Variants in FDPS observed in about 807,000 individuals in gnomAD.
The protein encoded by FDPS is farnesyl diphosphate synthase, also known as farnesyl pyrophosphate synthase.
FDPS carries 29 observed loss-of-function variants against 49.5 expected under a neutral mutation model. The ratio of observed to expected loss-of-function variants is 0.59; its 90% confidence interval spans 0.44 to 0.80. The LOEUF (loss-of-function observed/expected upper bound fraction) is 0.80, where lower values mean the gene tolerates loss of function less well. Ranked by LOEUF, FDPS falls within the 30% of genes least tolerant of loss-of-function variation. The pLI is 0.00. For synonymous variants in FDPS, 172 were observed against 206.4 expected, an observed-to-expected ratio of 0.83 and a Z score of 1.43; for missense variants, 414 against 525.6, an observed-to-expected ratio of 0.79 and a Z score of 2.08.
chr1:155,309,610 A>AT, intron 1 of FDPS, 179 bp from the exon 2 acceptor site: 3 of 532,348 alleles, frequency 5.6e-6, no homozygotes, highest in South Asian at 3.6e-5. Flanking sequence ...ACCCAGCCAT[A>AT]CTTTTTTGTT....
At chr1:155,309,592 TCTCA>T in intron 1 of FDPS, 193 bp from the exon 2 acceptor site, 1 of 510,200 alleles carries the variant, frequency 2.0e-6, no homozygotes, top group Non-Finnish European at 3.5e-6. Flanking sequence ...ATTAGTTGGG[TCTCA>T]GTCACCCAGC....
intron 8 of FDPS, 108 bp from the exon 9 acceptor site, chr1:155,319,503 G>T: frequency 8.9e-7 from 1 of 1,119,162 alleles, no homozygotes; most frequent in East Asian, 2.5e-5. Flanking sequence ...TGTCTGAAGA[G>T]AGAGGAAAGA....
Position 155,320,511 on chromosome 1 carries a change from T to C in FDPS, c.1162T>C (p.Tyr388His). The C allele has an allele frequency of 6.2e-7, 1 of 1,614,096 alleles. No individual in the cohort carries two copies. The highest frequency in any genetic ancestry group is 2.2e-5 in the East Asian group (1 of 44,876). Residue 388 changes from tyrosine (Y) to histidine (H), a missense_variant, in exon 11 of 11, where the codon TAC becomes CAC. Physicochemically the swap from Tyr to His is moderately conservative, Grantham distance 83. Coordinates refer to ENST00000368356, the MANE Select transcript of FDPS (RefSeq NM_002004.4). ...AVFLQYEEDSYSHIMALIEQY... is the reference protein window; with the variant it reads ...AVFLQYEEDSHSHIMALIEQY... ...GTTCTTGCAATATGAGGAAGACAGT[T>C]ACAGCCACATTATGGCTCTCATTGA... is the stretch of plus-strand genomic sequence containing the variant.
chr1:155,309,832 CT>C lies in FDPS; in HGVS notation c.44del (p.Leu15ArgfsTer53). The stretch of plus-strand genomic sequence containing the variant: ...GTTGAGATCTGTGGGGGTCTTCCTG[CT>C]GCCAGCCCCCTACTGGGCACCCCGG... ...RWLRSVGVFL[L>X]PAPYWAPRER... On this transcript the variant is annotated frameshift_variant, in exon 2 of 11. Transcript: ENST00000368356. LOFTEE classifies it high-confidence loss of function. 6.3e-7 allele frequency: 1 copy of C among 1,576,110 alleles called. No homozygotes were observed. Among genetic ancestry groups the C allele is most frequent in the Non-Finnish European group, 8.6e-7 (1 of 1,157,278 alleles).
intron 3 of FDPS, 163 bp downstream of exon 3, chr1:155,310,368 T>C: frequency 3.2e-6 from 2 of 627,318 alleles, no homozygotes; most frequent in African/African-American, 1.9e-5. Flanking sequence ...TGGAGTGCGA[T>C]GGTGTGATCT....
chr1:155,313,102 T>C (rs752655125), intron 4 of FDPS: 3 of 152,320 alleles, frequency 2.0e-5, no homozygotes, highest in Admixed American at 6.5e-5. Context: ...CTCCTAAATT[T>C]AACAAAGAGA....
At chr1:155,314,266 A>G (rs1649090720) in intron 4 of FDPS, among the ~76,000 whole-genome samples, 1 of 151,198 alleles carries the variant, frequency 6.6e-6, no homozygotes, top group Admixed American at 6.6e-5. Context: ...GCTCACTGCA[A>G]TCTCTGCCTC....
In FDPS at chr1:155,318,170, C is replaced by T. The variant is rs1183957237; in HGVS notation, c.563C>T (p.Pro188Leu). The change falls in exon 6 of 11, where the codon CCG becomes CTG. Residue 188 changes from proline to leucine, a missense_variant and splice_region_variant. Coordinates refer to ENST00000368356, the MANE Select transcript of FDPS (RefSeq NM_002004.4). This position sits in a 1 kb window ranked among gnomAD's most constrained non-coding sequence, Gnocchi z 4.2. ...RRGQICWYQKPGVGLDAINDA... is the reference protein window; with the variant it reads ...RRGQICWYQKLGVGLDAINDA... The stretch of plus-strand genomic sequence containing the variant: ...TTGTTTTTCTGTCTGTCATGACAGC[C>T]GGGCGTGGGTTTGGATGCCATCAAT... 6 of 1,613,954 alleles carry T rather than the reference C, an allele frequency of 3.7e-6. No individual in the cohort carries two copies. Among genetic ancestry groups the T allele is most frequent in the East Asian group, 2.2e-5 (1 of 44,896 alleles).
Position 155,318,160 on chromosome 1 carries a change from T to C in FDPS, c.562-9T>C, listed in dbSNP as rs1430863683. 3 of 1,614,022 alleles carry C rather than the reference T, an allele frequency of 1.9e-6. No individual in the cohort carries two copies. On this transcript the variant is annotated splice_polypyrimidine_tract_variant and intron_variant, in intron 5 of 10. Transcript: ENST00000368356. This position sits in a 1 kb window ranked among gnomAD's most constrained non-coding sequence, Gnocchi z 4.2. ...GATTGATTGCTTGTTTTTCTGTCTGTCATGACAGCCGGGCGTGGGTTTGGA... is the reference window on the plus strand; with the variant it reads ...GATTGATTGCTTGTTTTTCTGTCTGCCATGACAGCCGGGCGTGGGTTTGGA...
rs1351636906 is a variant in FDPS, at chr1:155,320,441, G to A, written c.1092G>A (p.Val364=). The A allele has an allele frequency of 7.4e-6, 12 of 1,613,572 alleles. 1 individual carries two copies. Among genetic ancestry groups the A allele is most frequent in the Middle Eastern group, 1.7e-4 (1 of 5,762 alleles). ...ENYGQKEAEK[V]ARVKALYEEL... The stretch of plus-strand genomic sequence containing the variant: ...ACGGGCAGAAGGAGGCTGAGAAAGT[G>A]GCCCGGGTGAAGGCGCTATATGAGG... The change falls in exon 11 of 11, where the codon GTG becomes GTA. Residue 364 remains valine, a synonymous_variant. Coordinates refer to ENST00000368356, the MANE Select transcript of FDPS (RefSeq NM_002004.4).
intron 4 of FDPS, among the ~76,000 whole-genome samples, chr1:155,314,436 C>T (rs769625701): frequency 6.6e-6 from 1 of 151,860 alleles, no homozygotes; most frequent in Admixed American, 6.6e-5. Flanking sequence ...ATCTCGGCCT[C>T]CTAAAGTGTT....
chr1:155,320,555 G>T lies in FDPS; in HGVS notation c.1206G>T (p.Leu402=). ...TCATTGAACAGTACGCAGCACCCCTGCCCCCAGCCGTCTTTCTGGGGCTTG... is the reference window on the plus strand; with the variant it reads ...TCATTGAACAGTACGCAGCACCCCTTCCCCCAGCCGTCTTTCTGGGGCTTG... ...MALIEQYAAP[L]PPAVFLGLAR... The change falls in exon 11 of 11, where the codon CTG becomes CTT. Residue 402 remains leucine, a synonymous_variant. Transcript: ENST00000368356. 4 of 1,614,176 alleles carry T rather than the reference G, an allele frequency of 2.5e-6. No individual in the cohort carries two copies. Among genetic ancestry groups the T allele is most frequent in the South Asian group, 1.1e-5 (1 of 91,090 alleles).
intron 3 of FDPS, among the ~76,000 whole-genome samples, chr1:155,311,312 C>G (rs1287620299): frequency 1.3e-5 from 2 of 152,180 alleles, no homozygotes; most frequent in Non-Finnish European, 2.9e-5. Flanking sequence ...GCACTCCAGC[C>G]TGAGTGACAT....
At position 155,312,318 on chromosome 1, in the gene FDPS, C is replaced by T. The variant is rs753523692; in HGVS notation, c.403C>T (p.Arg135Trp). The change falls in exon 4 of 11, where the codon CGG (arginine) becomes TGG (tryptophan). Residue 135 changes from arginine to tryptophan, a missense_variant. Coordinates refer to ENST00000368356, the MANE Select transcript of FDPS (RefSeq NM_002004.4). Reference protein sequence around the residue: ...NRGLTVVVAFRELVEPRKQDA... With the variant: ...NRGLTVVVAFWELVEPRKQDA... ...GGGTTTGACGGTGGTAGTAGCATTC[C>T]GGGAGCTGGTGGAGCCAAGGAAACA... 21 of 1,614,054 alleles carry T rather than the reference C, an allele frequency of 1.3e-5. No individual in the cohort carries two copies. The highest frequency in any genetic ancestry group is 8.9e-5 in the East Asian group (4 of 44,880).
Position 155,318,619 on chromosome 1 carries a change from A to C in FDPS, c.685-46A>C, listed in dbSNP as rs1649784804. 3.5e-6 allele frequency: 5 copies of C among 1,427,952 alleles called. No individual in the cohort carries two copies. The highest frequency in any genetic ancestry group is 4.0e-6 in the Non-Finnish European group (4 of 1,011,022). 88.5% of individuals were successfully genotyped at this position (1,427,952 alleles called of 1,614,324 possible). A position where few individuals can be genotyped will look rare whatever the true frequency, so the allele number is the denominator to read the frequency against. On this transcript the variant is annotated intron_variant, in intron 6 of 10. Coordinates refer to ENST00000368356, the MANE Select transcript of FDPS (RefSeq NM_002004.4). This position sits in a 1 kb window ranked among gnomAD's most constrained non-coding sequence, Gnocchi z 4.2. Reference sequence around the variant, plus strand: ...TGGGCTTGGGATACCAGGGTTTCGCATATCTGGAGAAAGCCTGGCTCATGG... The same window carrying C: ...TGGGCTTGGGATACCAGGGTTTCGCCTATCTGGAGAAAGCCTGGCTCATGG...
chr1:155,313,040 T>C (rs1176176985), intron 4 of FDPS: 1 of 149,550 alleles, frequency 6.7e-6, no homozygotes, highest in East Asian at 1.9e-4. Context: ...GAAGCAGAAA[T>C]TGAAAACTGG....
At position 155,310,219 on chromosome 1, in the gene FDPS, G is replaced by A. The variant is rs1648650405; in HGVS notation, c.339+14G>A. The A allele has an allele frequency of 8.1e-6, 13 of 1,613,450 alleles. No homozygotes were observed. Among genetic ancestry groups the A allele is most frequent in the Non-Finnish European group, 1.1e-5 (13 of 1,179,576 alleles). On this transcript the variant is annotated intron_variant, in intron 3 of 10. Coordinates refer to ENST00000368356, the MANE Select transcript of FDPS (RefSeq NM_002004.4). Reference sequence around the variant, plus strand: ...CGGCTCAAGGAGGTGAGGGATTCATGACTTGGGGGAGTAAGGCTTTGGTTC... The same window carrying A: ...CGGCTCAAGGAGGTGAGGGATTCATAACTTGGGGGAGTAAGGCTTTGGTTC...
rs375219975 is a variant in FDPS at position 155,320,529 on chromosome 1, C to T, written c.1180C>T (p.Leu394Phe). The T allele has an allele frequency of 6.2e-7, 1 of 1,614,056 alleles. No individual in the cohort carries two copies. The highest frequency in any genetic ancestry group is 1.3e-5 in the African/African-American group (1 of 74,920). ...AGACAGTTACAGCCACATTATGGCT[C>T]TCATTGAACAGTACGCAGCACCCCT... ...EEDSYSHIMA[L>F]IEQYAAPLPP... Residue 394 changes from leucine to phenylalanine, a missense_variant, in exon 11 of 11, where the codon CTC becomes TTC. Physicochemically the swap from Leu to Phe is conservative, Grantham distance 22. Transcript: ENST00000368356.
intron 8 of FDPS, 101 bp from the exon 9 acceptor site, chr1:155,319,510 A>C: frequency 8.4e-7 from 1 of 1,193,212 alleles, no homozygotes; most frequent in East Asian, 2.4e-5. Flanking sequence ...AGAGAGAGGA[A>C]AGATTTGGGG....
Sources: gnomAD v4.1 joint callset for allele counts (sites outside exome capture counted in the v4.1 genomes callset) on GRCh38, gnomAD v4.1.1 for gene constraint, Gnocchi (gnomAD v3.1) non-coding constraint, MANE v1.5 for transcripts, NCBI Gene and HGNC (gene_info 2026-07-23, HGNC 2026-07-21) for gene names.